The following PSMA2 variants were observed in gnomAD, a reference collection of about 807,000 sequenced individuals.
PSMA2 encodes proteasome subunit alpha type-2.
A neutral mutation model predicts 35.9 loss-of-function variants in PSMA2; 2 were observed. The observed-to-expected ratio is 0.06, with a 90% confidence interval of 0.02 to 0.18. The LOEUF (loss-of-function observed/expected upper bound fraction) is 0.18, where lower values mean the gene tolerates loss of function less well. PSMA2 is among the 10% of genes least tolerant of loss of function. The pLI, the probability that PSMA2 is intolerant of heterozygous loss-of-function variation, is 1.00. For synonymous variants in PSMA2, 97 were observed against 98.2 expected (o/e 0.99, Z 0.07); for missense variants, 126 against 278.8 (o/e 0.45, Z 3.90).
intron 4 of PSMA2, among the ~76,000 whole-genome samples, chr7:42,924,167 A>C (rs551695080): frequency 6.9e-6 from 1 of 145,158 alleles, no homozygotes; most frequent in East Asian, 2.1e-4. Flanking sequence ...AACATAGTGA[A>C]ACCACATCTC....
intron 2 of PSMA2, among the ~76,000 whole-genome samples, chr7:42,926,941 T>A (rs925794186): frequency 6.6e-6 from 1 of 152,136 alleles, no homozygotes; most frequent in African/African-American, 2.4e-5. Context: ...AGAGTTCACA[T>A]GTTTTAAAAT....
At chr7:42,923,540 T>C in intron 4 of PSMA2, 134 bp from the exon 5 acceptor site, 1 of 660,722 alleles carries the variant, frequency 1.5e-6, no homozygotes, top group South Asian at 1.9e-5. Context: ...TAGAAAGTAT[T>C]TAACACCTTT....
intron 1 of PSMA2, among the ~76,000 whole-genome samples, chr7:42,929,239 T>A (rs1786257962): frequency 6.6e-6 from 1 of 152,188 alleles, no homozygotes; most frequent in African/African-American, 2.4e-5. Context: ...CTTGATATAA[T>A]TAATTTGAGC....
In PSMA2 at chr7:42,924,769, C is replaced by A. The variant is rs761735044; in HGVS notation, c.280G>T (p.Ala94Ser). The A allele has an allele frequency of 6.2e-7, 1 of 1,612,258 alleles. No individual in the cohort carries two copies. The highest frequency in any genetic ancestry group is 8.5e-7 in the Non-Finnish European group (1 of 1,178,838). ...TGGTACACAAGATAGTATTGTTGAG[C>A]TAGTTTTCGAGCTCTGTGCACAAGC... is the stretch of plus-strand genomic sequence containing the variant. ...RVLVHRARKL[A>S]QQYYLVYQEP... Residue 94 changes from alanine (A) to serine (S), a missense_variant, in exon 4 of 8, where the codon GCT becomes TCT. Around this residue, in one of 3 missense-constraint regions of PSMA2, gnomAD observed 78 missense variants for 151.1 expected, o/e 0.52. Coordinates refer to ENST00000223321, the MANE Select transcript of PSMA2 (RefSeq NM_002787.5).
chr7:42,931,238 A>G, intron 1 of PSMA2: 1 of 415,648 alleles, frequency 2.4e-6, no homozygotes, highest in African/African-American at 2.1e-5. Flanking sequence ...TCAACAAGTT[A>G]GATCCCGCCT....
At chr7:42,920,075 C>T in intron 6 of PSMA2, 1 of 599,620 alleles carries the variant, frequency 1.7e-6, no homozygotes, top group Admixed American at 2.2e-5. Context: ...TCTTCAACTC[C>T]TCAAGTTAAG....
At chr7:42,928,188 T>C (rs909902623) in intron 1 of PSMA2, among the ~76,000 whole-genome samples, 1 of 152,154 alleles carries the variant, frequency 6.6e-6, no homozygotes. Flanking sequence ...GGTACTGAAA[T>C]CACCGTCCCC....
Position 42,923,367 on chromosome 7 carries a change from A to T in PSMA2, c.414T>A (p.Gly138=), listed in dbSNP as rs778101138. The change falls in exon 5 of 8, where the codon GGT becomes GGA. Residue 138 remains glycine, a synonymous_variant. Coordinates refer to ENST00000223321, the MANE Select transcript of PSMA2 (RefSeq NM_002787.5). ...RPFGVSLLIC[G]WNEGRPYLFQ... is the part of the protein sequence containing the mutation. Reference sequence around the variant, plus strand: ...ATAAATATGGTCGTCCCTCATTCCAACCACAAATAAGTAAAGAAACTCCAA... The same window carrying T: ...ATAAATATGGTCGTCCCTCATTCCATCCACAAATAAGTAAAGAAACTCCAA... The T allele has an allele frequency of 1.9e-6, 3 of 1,612,766 alleles. No individual in the cohort carries two copies. The highest frequency in any genetic ancestry group is 2.5e-6 in the Non-Finnish European group (3 of 1,178,996).
chr7:42,920,613 A>C (rs1338946647), intron 6 of PSMA2: 2 of 152,264 alleles, frequency 1.3e-5, no homozygotes, highest in Admixed American at 1.3e-4. Context: ...AAAACAAATC[A>C]TAACATATCA....
In PSMA2 at chr7:42,926,675, A is replaced by G. The variant is rs143915642; in HGVS notation, c.119-7T>C. On this transcript the variant is annotated splice_polypyrimidine_tract_variant and splice_region_variant and intron_variant, in intron 2 of 7. Transcript: ENST00000223321. Reference sequence around the variant, plus strand: ...AATACCACACCATTTGCAGCTTAAAAAAAAAGAGAGAGACATAAATGTTTA... The same window carrying G: ...AATACCACACCATTTGCAGCTTAAAGAAAAAGAGAGAGACATAAATGTTTA... 6.3e-6 allele frequency: 10 copies of G among 1,588,202 alleles called. No homozygotes were observed. In the African/African-American group the frequency reaches 8.2e-5, roughly 13 times the overall value.
intron 1 of PSMA2, among the ~76,000 whole-genome samples, chr7:42,930,829 G>A (rs1022430876): frequency 2.0e-5 from 3 of 151,888 alleles, no homozygotes; most frequent in African/African-American, 7.3e-5. Context: ...CCTAAAAAAA[G>A]GACCACATTT....
chr7:42,920,329 T>C (rs1786106594), intron 6 of PSMA2: 1 of 169,026 alleles, frequency 5.9e-6, no homozygotes, highest in Non-Finnish European at 1.3e-5. Flanking sequence ...CTGTCATCTT[T>C]TTAATGAATA....
chr7:42,923,383 G>C lies in PSMA2; in HGVS notation c.398C>G (p.Ser133Cys). 6.2e-7 allele frequency: 1 copy of C among 1,612,882 alleles called. No homozygotes were observed. The highest frequency in any genetic ancestry group is 8.5e-7 in the Non-Finnish European group (1 of 1,179,070). Residue 133 changes from serine to cysteine, a missense_variant, in exon 5 of 8, where the codon TCT becomes TGT. By Grantham distance (112) the Ser-to-Cys change is moderately radical. Transcript: ENST00000223321. ...QSGGVRPFGV[S>C]LLICGWNEGR... ...CTCATTCCAACCACAAATAAGTAAA[G>C]AAACTCCAAATGGACGAACACCACT...
At chr7:42,926,927 C>A (rs565333463) in intron 2 of PSMA2, among the ~76,000 whole-genome samples, 2 of 152,186 alleles carry the variant, frequency 1.3e-5, no homozygotes, top group South Asian at 4.1e-4. Flanking sequence ...TCTAAGGATA[C>A]CTGAGAGTTC....
intron 6 of PSMA2, chr7:42,918,072 A>AT: frequency 5.3e-6 from 1 of 189,998 alleles, no homozygotes; most frequent in African/African-American, 3.9e-5. Flanking sequence ...AGTTTAGGAA[A>AT]CTTTTTTTTT....
intron 4 of PSMA2, 67 bp downstream of exon 4, chr7:42,924,608 T>C (rs919807879): frequency 1.3e-6 from 2 of 1,506,026 alleles, no homozygotes; most frequent in Middle Eastern, 2.0e-4. Context: ...TCTATTTATA[T>C]ACCTACTCTT....
rs200158928 is a variant in PSMA2 at position 42,919,760 on chromosome 7, T to C, written c.531-1925A>G. 10 of 631,242 alleles carry C rather than the reference T, an allele frequency of 1.6e-5. 1 individual carries two copies. The East Asian group carries it at 2.8e-4, about 18-fold the overall frequency. The allele number at this position is 631,242 out of a possible 1,614,324, so 39.1% of individuals were successfully genotyped here. A position where few individuals can be genotyped will look rare whatever the true frequency, so the allele number is the denominator to read the frequency against. ...CTTCACCTTGAGAAAGAATTTCTTG[T>C]TGCAGGTGGTGAAGATGTTAAACTT... On this transcript the variant is annotated intron_variant, in intron 6 of 7. Transcript: ENST00000223321.
At chr7:42,930,950 CA>C (rs1254534250) in intron 1 of PSMA2, 3 of 262,452 alleles carry the variant, frequency 1.1e-5, no homozygotes, top group East Asian at 1.2e-4. Context: ...TCAAAGGTTA[CA>C]AAAAAACTAT....
In PSMA2 at chr7:42,923,394, T is replaced by C. The variant is rs28503255; in HGVS notation, c.387A>G (p.Pro129=). The change falls in exon 5 of 8, where the codon CCA becomes CCG. Residue 129 remains proline, a synonymous_variant. Transcript: ENST00000223321. ...QEYTQSGGVR[P]FGVSLLICGW... ...CACAAATAAGTAAAGAAACTCCAAA[T>C]GGACGAACACCACTGCAGGGAGGAA... The C allele has an allele frequency of 5.6e-3, 9,093 of 1,612,378 alleles. 30 individuals are homozygous for C. The highest frequency in any genetic ancestry group is 7.1e-3 in the Non-Finnish European group (8,320 of 1,178,562).
Sources: gnomAD v4.1 joint callset for allele counts (sites outside exome capture counted in the v4.1 genomes callset) on GRCh38, gnomAD v4.1.1 for gene constraint, gnomAD v4.1.1 regional missense constraint, MANE v1.5 for transcripts, NCBI Gene and HGNC (gene_info 2026-07-23, HGNC 2026-07-21) for gene names.